The following FOXP1 variants were observed in gnomAD, a reference collection of about 807,000 sequenced individuals.
FOXP1 encodes the protein forkhead box protein P1.
Under a neutral mutation model 98.2 loss-of-function variants are expected in FOXP1, and 15 were observed. The observed-to-expected ratio is 0.15, with a 90% CI of 0.10 to 0.24. FOXP1 has a LOEUF of 0.24. Ranked by LOEUF, FOXP1 falls within the 10% of genes least tolerant of loss-of-function variation. FOXP1 has a pLI of 1.00. For synonymous variants in FOXP1, 371 were observed against 314.5 expected, an observed-to-expected ratio of 1.18 and a Z score of -1.90; for missense variants, 633 against 848.5, an observed-to-expected ratio of 0.75 and a Z score of 3.15.
intron 6 of FOXP1, among the ~76,000 whole-genome samples, chr3:71,147,989 A>T (rs1018723901): frequency 3.9e-5 from 6 of 152,246 alleles, no homozygotes; most frequent in Admixed American, 3.9e-4. Context: ...GTCAGAACCT[A>T]GAAAGAAATT....
chr3:71,104,070 G>A (rs1360248302), intron 7 of FOXP1, among the ~76,000 whole-genome samples: 3 of 152,126 alleles, frequency 2.0e-5, no homozygotes, highest in African/African-American at 7.2e-5. Context: ...ATTCCAGGAA[G>A]AGTATTTTAC....
At chr3:71,416,406 G>A (rs1024959291) in intron 3 of FOXP1, among the ~76,000 whole-genome samples, 1 of 152,018 alleles carries the variant, frequency 6.6e-6, no homozygotes, top group African/African-American at 2.4e-5. Flanking sequence ...GCCAGGTATG[G>A]TGGTGTACAC....
intron 11 of FOXP1, among the ~76,000 whole-genome samples, chr3:71,026,095 G>A (rs186493437): frequency 2.6e-5 from 4 of 152,274 alleles, no homozygotes; most frequent in Non-Finnish European, 4.4e-5. Context: ...CACACTCAGT[G>A]GGGTCCACAC....
intron 3 of FOXP1, among the ~76,000 whole-genome samples, chr3:71,401,463 A>G (rs973528826): frequency 1.3e-5 from 2 of 152,212 alleles, no homozygotes; most frequent in African/African-American, 4.8e-5. Context: ...AGCAAGAGAC[A>G]GATCTACATA....
At chr3:70,976,209 C>T (rs951713799) in intron 17 of FOXP1, among the ~76,000 whole-genome samples, 1 of 151,794 alleles carries the variant, frequency 6.6e-6, no homozygotes, top group Non-Finnish European at 1.5e-5. Context: ...TGCCACCATG[C>T]CTGGCTAATT....
intron 5 of FOXP1, among the ~76,000 whole-genome samples, chr3:71,280,331 T>TTTA (rs1491190105): frequency 2.1e-4 from 32 of 151,492 alleles, no homozygotes; most frequent in African/African-American, 6.3e-4. Flanking sequence ...CTTTTTTTTT[T>TTTA]ATTTTTTGAG....
intron 3 of FOXP1, among the ~76,000 whole-genome samples, chr3:71,377,596 A>T (rs745431475): frequency 6.6e-6 from 1 of 152,220 alleles, no homozygotes; most frequent in Non-Finnish European, 1.5e-5. Flanking sequence ...CCAGAATTTG[A>T]AACTAGATCT....
intron 7 of FOXP1, among the ~76,000 whole-genome samples, chr3:71,099,418 G>C (rs1256317505): frequency 1.3e-5 from 2 of 152,016 alleles, no homozygotes; most frequent in Non-Finnish European, 2.9e-5. Context: ...AGGCTGAGGC[G>C]GGAGAATTGC....
At chr3:71,236,356 T>TA (rs2106837284) in intron 5 of FOXP1, among the ~76,000 whole-genome samples, 1 of 152,334 alleles carries the variant, frequency 6.6e-6, no homozygotes, top group South Asian at 2.1e-4. Context: ...GAGCCTCTGC[T>TA]ATGGGCCAAG....
intron 3 of FOXP1, among the ~76,000 whole-genome samples, chr3:71,444,414 G>C (rs1031599475): frequency 6.6e-6 from 1 of 151,534 alleles, no homozygotes; most frequent in African/African-American, 2.4e-5. Flanking sequence ...CGGGGGTGGG[G>C]ACAGAACTTC....
chr3:71,556,217 G>T (rs1186182605), intron 2 of FOXP1, among the ~76,000 whole-genome samples: 2 of 151,922 alleles, frequency 1.3e-5, no homozygotes, highest in Admixed American at 1.3e-4. Flanking sequence ...GAAACCAAAG[G>T]GTGTGAAAAG....
intron 1 of FOXP1, 54 bp from the exon 2 acceptor site, chr3:71,581,751 T>C: frequency 1.0e-6 from 1 of 985,470 alleles, no homozygotes; most frequent in Non-Finnish European, 1.2e-6. Flanking sequence ...CCGTGCAGGC[T>C]GGGGGGAACT....
chr3:71,561,768 A>G (rs1013623964), intron 2 of FOXP1, among the ~76,000 whole-genome samples: 3 of 152,208 alleles, frequency 2.0e-5, no homozygotes, highest in African/African-American at 7.2e-5. Context: ...CATGAAAATC[A>G]TCATCGAGCA....
intron 6 of FOXP1, among the ~76,000 whole-genome samples, chr3:71,183,834 G>A (rs2062479318): frequency 6.6e-6 from 1 of 152,114 alleles, no homozygotes. Flanking sequence ...TACTTTAGGG[G>A]TGGGTCCAGT....
chr3:71,532,816 A>C (rs1392289700), intron 2 of FOXP1, among the ~76,000 whole-genome samples: 1 of 152,280 alleles, frequency 6.6e-6, no homozygotes, highest in East Asian at 1.9e-4. Flanking sequence ...CTAAGTTTAC[A>C]CTGGCCACTC....
At chr3:71,532,905 A>G (rs1447558932) in intron 2 of FOXP1, among the ~76,000 whole-genome samples, 1 of 152,224 alleles carries the variant, frequency 6.6e-6, no homozygotes, top group East Asian at 1.9e-4. Flanking sequence ...GACAGGATCT[A>G]CTGAGGTATA....
At chr3:70,966,118 A>G in intron 19 of FOXP1, 62 bp from the exon 20 acceptor site, 2 of 1,324,602 alleles carry the variant, frequency 1.5e-6, no homozygotes, top group Non-Finnish European at 2.2e-6. Flanking sequence ...GAAACTACTA[A>G]TTATGGGTGT....
chr3:71,104,312 A>C (rs2057244693), intron 7 of FOXP1, among the ~76,000 whole-genome samples: 1 of 152,204 alleles, frequency 6.6e-6, no homozygotes, highest in South Asian at 2.1e-4. Context: ...GAAACCAAGA[A>C]GCTCTTTTCT....
At chr3:71,380,680 A>G (rs2080081909) in intron 3 of FOXP1, among the ~76,000 whole-genome samples, 1 of 148,130 alleles carries the variant, frequency 6.8e-6, no homozygotes, top group East Asian at 2.0e-4. Flanking sequence ...CCACAGTTTG[A>G]CTATACTCTT....
Sources: allele counts gnomAD v4.1 joint callset (sites outside exome capture counted in the v4.1 genomes callset), GRCh38; gene constraint gnomAD v4.1.1; transcripts MANE v1.5; gene names NCBI Gene and HGNC (gene_info 2026-07-23, HGNC 2026-07-21).